Variants in KLRK1 observed in about 807,000 individuals in gnomAD.
The protein encoded by KLRK1 is NKG2-D type II integral membrane protein.
Under a neutral mutation model 31.3 loss-of-function variants are expected in KLRK1, and 40 were observed. The ratio of observed to expected loss-of-function variants is 1.28; its 90% CI spans 0.99 to 1.67. The LOEUF (loss-of-function observed/expected upper bound fraction) is 1.67, where lower values mean the gene tolerates loss of function less well. Among genes scored for constraint, KLRK1 ranks in the 40% most tolerant of loss-of-function variants. The pLI is 0.00. For missense variants in KLRK1, 251 were observed against 260.0 expected (o/e 0.97, Z 0.24); for synonymous variants, 77 against 77.3 (o/e 1.00, Z 0.02).
chr12:10,386,845 T>G, intron 3 of KLRK1, 58 bp downstream of exon 3: 1 of 1,367,574 alleles, frequency 7.3e-7, no homozygotes, highest in Middle Eastern at 1.9e-4. Flanking sequence ...TTTAATCACA[T>G]AGTTTCCAAG....
intron 3 of KLRK1, among the ~76,000 whole-genome samples, chr12:10,386,495 A>G (rs2137819722): frequency 6.6e-6 from 1 of 152,180 alleles, no homozygotes; most frequent in East Asian, 1.9e-4. Flanking sequence ...AAGTCATTGG[A>G]GAATATATCT....
chr12:10,378,439 G>C (rs1863005430), intron 6 of KLRK1, 115 bp downstream of exon 6: 2 of 1,487,482 alleles, frequency 1.3e-6, no homozygotes, highest in African/African-American at 2.8e-5. Flanking sequence ...ATTTAGGGTT[G>C]GTATTAGAAT....
At position 10,378,537 on chromosome 12, in the gene KLRK1, T is replaced by G; in HGVS notation, c.429+17A>C. ...TAGGATTAAATACAGGATGGGAAAT[T>G]AAAATAAATACTCAACCTGGTCCTC... On this transcript the variant is annotated intron_variant, in intron 6 of 7. Transcript: ENST00000240618. 1 of 1,607,892 alleles carries G rather than the reference T, an allele frequency of 6.2e-7. No individual in the cohort carries two copies. Among genetic ancestry groups the G allele is most frequent in the South Asian group, 1.1e-5 (1 of 89,588 alleles).
At chr12:10,386,512 C>T (rs1264918917) in intron 3 of KLRK1, among the ~76,000 whole-genome samples, 2 of 151,960 alleles carry the variant, frequency 1.3e-5, no homozygotes, top group Non-Finnish European at 2.9e-5. Context: ...ATCTTCTTCA[C>T]TGAACTCAGA....
chr12:10,383,052 A>G (rs1465638876), intron 3 of KLRK1, among the ~76,000 whole-genome samples: 5 of 152,164 alleles, frequency 3.3e-5, no homozygotes, highest in African/African-American at 9.6e-5. Flanking sequence ...ACACTGCCAG[A>G]GAAAGCAACT....
intron 3 of KLRK1, among the ~76,000 whole-genome samples, chr12:10,383,005 AATAG>A (rs1319516145): frequency 6.6e-6 from 1 of 152,216 alleles, no homozygotes; most frequent in Non-Finnish European, 1.5e-5. Flanking sequence ...AAAAACCTAT[AATAG>A]ATACACTAAA....
At chr12:10,377,739 G>C (rs1016845118) in intron 7 of KLRK1, among the ~76,000 whole-genome samples, 5 of 152,118 alleles carry the variant, frequency 3.3e-5, no homozygotes, top group Non-Finnish European at 5.9e-5. Flanking sequence ...GGCTCATATA[G>C]TTCTCGAGAC....
intron 7 of KLRK1, chr12:10,374,006 T>G (rs1318666795): frequency 6.6e-6 from 1 of 151,958 alleles, no homozygotes; most frequent in Non-Finnish European, 1.5e-5. Flanking sequence ...TCTTAAAGAG[T>G]TTTTGTTTTG....
At chr12:10,388,423 C>T (rs985921683) in intron 2 of KLRK1, among the ~76,000 whole-genome samples, 5 of 152,146 alleles carry the variant, frequency 3.3e-5, no homozygotes, top group African/African-American at 1.2e-4. Context: ...GAAAAAGAAA[C>T]TAAACTAAAC....
intron 3 of KLRK1, among the ~76,000 whole-genome samples, chr12:10,382,471 C>A (rs535792966): frequency 1.3e-5 from 2 of 152,060 alleles, no homozygotes; most frequent in South Asian, 4.2e-4. Context: ...AACAAAATGC[C>A]AACTGAGATA....
Position 10,378,593 on chromosome 12 carries a change from T to A in KLRK1, c.390A>T (p.Gln130His). 1 of 1,612,070 alleles carries A rather than the reference T, an allele frequency of 6.2e-7. No homozygotes were observed. The highest frequency in any genetic ancestry group is 8.5e-7 in the Non-Finnish European group (1 of 1,179,580). The change falls in exon 6 of 8, where the codon CAA (glutamine) becomes CAT (histidine). Residue 130 changes from glutamine to histidine, a missense_variant. Gln to His is a conservative substitution (Grantham distance 24, BLOSUM62 0). Transcript: ENST00000240618. ...WYESQASCMS[Q>H]NASLLKVYSK... ...TGTATACTTTCAGAAGGCTGGCATT[T>A]TGAGACATACAAGAAGCCTGGCTCT...
intron 7 of KLRK1, among the ~76,000 whole-genome samples, chr12:10,375,292 T>G (rs1285257775): frequency 6.6e-6 from 1 of 152,192 alleles, no homozygotes; most frequent in Non-Finnish European, 1.5e-5. Flanking sequence ...AGTCATTTAA[T>G]AGTAAGTCTG....
intron 3 of KLRK1, among the ~76,000 whole-genome samples, chr12:10,385,088 A>T (rs1397951691): frequency 2.0e-5 from 3 of 152,130 alleles, no homozygotes; most frequent in Admixed American, 6.6e-5. Flanking sequence ...GACAAAAAAT[A>T]ACAAATGACA....
At chr12:10,381,575 A>G (rs189587820) in intron 3 of KLRK1, among the ~76,000 whole-genome samples, 5 of 152,224 alleles carry the variant, frequency 3.3e-5, no homozygotes, top group Admixed American at 6.5e-5. Context: ...AAAAAAATCA[A>G]TGGGTAGGCA....
chr12:10,377,383 A>T (rs866372857), intron 7 of KLRK1, among the ~76,000 whole-genome samples: 3 of 152,256 alleles, frequency 2.0e-5, no homozygotes, highest in African/African-American at 7.2e-5. Context: ...ATTAGCAAGT[A>T]GCATTATTTG....
intron 3 of KLRK1, among the ~76,000 whole-genome samples, 197 bp from the exon 4 acceptor site, chr12:10,379,989 T>G (rs1863040301): frequency 6.6e-6 from 1 of 151,998 alleles, no homozygotes; most frequent in Non-Finnish European, 1.5e-5. Context: ...TAATATTTCC[T>G]TCTATACTTC....
intron 2 of KLRK1, 74 bp from the exon 3 acceptor site, chr12:10,387,084 G>T: frequency 8.3e-7 from 1 of 1,200,708 alleles, no homozygotes; most frequent in Non-Finnish European, 1.2e-6. Flanking sequence ...TAAAAATTCA[G>T]CTTGCCATTT....
intron 5 of KLRK1, chr12:10,379,225 AAAAAAAAAAG>A (rs1237691654): frequency 5.0e-5 from 8 of 159,640 alleles, no homozygotes; most frequent in East Asian, 1.7e-4. Flanking sequence ...AAAAAAAAAA[AAAAAAAAAAG>A]AGAGAGAGAG....
intron 3 of KLRK1, among the ~76,000 whole-genome samples, chr12:10,385,386 A>ACACACACG (rs1863149624): frequency 6.6e-6 from 1 of 151,480 alleles, no homozygotes; most frequent in Non-Finnish European, 1.5e-5. Flanking sequence ...ACACACACAC[A>ACACACACG]CACACACACA....
Sources: allele counts gnomAD v4.1 joint callset (sites outside exome capture counted in the v4.1 genomes callset), GRCh38; gene constraint gnomAD v4.1.1; transcripts MANE v1.5; gene names NCBI Gene and HGNC (gene_info 2026-07-23, HGNC 2026-07-21).